METTL15: variants seen among roughly 807,000 people sequenced by gnomAD.
The protein encoded by METTL15 is methyltransferase 15, mitochondrial 12S rRNA N4-cytidine, also known as 12S rRNA N(4)-cytidine methyltransferase METTL15.
METTL15 carries 34 observed loss-of-function variants against 38.3 expected under a neutral mutation model. The ratio of observed to expected loss-of-function variants is 0.89; its 90% CI spans 0.68 to 1.18. The LOEUF is 1.18. Ranked by LOEUF, METTL15 falls within the 50% of genes most tolerant of loss-of-function variation. The probability of loss-of-function intolerance (pLI) is 0.00; values close to 1 mark genes in which losing one functional copy is unlikely to be tolerated. For missense variants in METTL15, 438 were observed against 498.4 expected (o/e 0.88, Z 1.15); for synonymous variants, 162 against 170.9 (o/e 0.95, Z 0.41).
At chr11:28,315,716 A>G (rs937779417) in intron 6 of METTL15, among the ~76,000 whole-genome samples, 2 of 152,226 alleles carry the variant, frequency 1.3e-5, no homozygotes, top group Non-Finnish European at 2.9e-5. Context: ...TTCATGGGCC[A>G]GGCCCAAGGC....
chr11:28,410,061 TC>T (rs1847949059), intron 5 of METTL15, among the ~76,000 whole-genome samples: 3 of 152,078 alleles, frequency 2.0e-5, no homozygotes, highest in Admixed American at 6.6e-5. Flanking sequence ...CAAGATTCAG[TC>T]AGGAAGAAAT....
At chr11:28,511,916 CG>C (rs1356110849) in intron 6 of METTL15, among the ~76,000 whole-genome samples, 23 of 152,074 alleles carry the variant, frequency 1.5e-4, no homozygotes, top group Non-Finnish European at 1.5e-5. Flanking sequence ...TTACAGAGAG[CG>C]GGAGTGGTCT....
intron 6 of METTL15, among the ~76,000 whole-genome samples, chr11:28,439,238 C>T (rs940471631): frequency 1.3e-5 from 2 of 152,258 alleles, no homozygotes; most frequent in African/African-American, 4.8e-5. Flanking sequence ...TGGAGGTTGA[C>T]AATTTTGTTA....
intron 6 of METTL15, among the ~76,000 whole-genome samples, chr11:28,326,185 G>A (rs1849628620): frequency 2.0e-5 from 3 of 152,190 alleles, no homozygotes; most frequent in Admixed American, 1.3e-4. Context: ...TTGCAAAACA[G>A]TGAGCTCCTC....
intron 6 of METTL15, among the ~76,000 whole-genome samples, chr11:28,456,067 A>T (rs1851165949): frequency 6.6e-6 from 1 of 151,918 alleles, no homozygotes. Context: ...ATGCAGTGGC[A>T]CGATCATAGT....
intron 5 of METTL15, chr11:28,410,526 A>G (rs1221444183): frequency 2.0e-5 from 3 of 152,294 alleles, no homozygotes; most frequent in East Asian, 3.9e-4. Context: ...TAAACACTTG[A>G]TCATCTCAAT....
chr11:28,464,897 C>A (rs1851244162), intron 6 of METTL15, among the ~76,000 whole-genome samples: 1 of 152,192 alleles, frequency 6.6e-6, no homozygotes, highest in Admixed American at 6.5e-5. Context: ...TAGGCAAGAA[C>A]AATGTCTTGG....
chr11:28,247,288 TTTC>T (rs1480320918), intron 4 of METTL15, among the ~76,000 whole-genome samples: 2 of 152,172 alleles, frequency 1.3e-5, no homozygotes, highest in African/African-American at 4.8e-5. Context: ...AATTTGTTGA[TTTC>T]TATAATTTTT....
At chr11:28,504,799 G>A (rs1263045206) in intron 6 of METTL15, among the ~76,000 whole-genome samples, 4 of 152,318 alleles carry the variant, frequency 2.6e-5, no homozygotes, top group East Asian at 3.9e-4. Context: ...GAACTCATTC[G>A]AATGTTTAAA....
rs764371567 is a variant in METTL15, at chr11:28,221,026, A to G, written c.407+9828A>G. ...CTTCATTTCAACTTTGGTGAATCTG[A>G]CAGTTATGTGTCTTGGAGTTGCTAT... On this transcript the variant is annotated intron_variant, in intron 4 of 6. Transcript: ENST00000407364. Among the ~76,000 whole-genome samples, 5 of 151,992 alleles carry G rather than the reference A, an allele frequency of 3.3e-5. No homozygotes were observed. In the South Asian group the frequency reaches 8.3e-4, roughly 25 times the overall value.
At chr11:28,205,212 C>T (rs772502303) in intron 3 of METTL15, among the ~76,000 whole-genome samples, 40 of 151,480 alleles carry the variant, frequency 2.6e-4, no homozygotes, top group Non-Finnish European at 4.9e-4. Flanking sequence ...CGCATTAACT[C>T]GTCATTTAGT....
chr11:28,327,940 C>A, intron 6 of METTL15: 1 of 627,466 alleles, frequency 1.6e-6, no homozygotes. Context: ...TTATGTTGAA[C>A]CATCATTTTA....
chr11:28,413,534 G>T (rs1002146659), intron 5 of METTL15, among the ~76,000 whole-genome samples: 1 of 152,008 alleles, frequency 6.6e-6, no homozygotes, highest in African/African-American at 2.4e-5. Context: ...GGATGAAATG[G>T]GTCTCACGTT....
At chr11:28,463,831 C>T (rs1414599879) in intron 6 of METTL15, among the ~76,000 whole-genome samples, 2 of 151,998 alleles carry the variant, frequency 1.3e-5, no homozygotes, top group African/African-American at 4.8e-5. Flanking sequence ...ACCTGATTCT[C>T]AACATGTTCA....
chr11:28,171,772 G>T (rs916746818), intron 3 of METTL15, among the ~76,000 whole-genome samples: 4 of 149,246 alleles, frequency 2.7e-5, no homozygotes, highest in South Asian at 2.1e-4. Flanking sequence ...CCTGCCCGCC[G>T]CCTCTCTCTC....
rs561065554 is a variant in METTL15 at position 28,271,888 on chromosome 11, G to A, written c.408-18318G>A. Among the ~76,000 whole-genome samples the A allele has an allele frequency of 2.2e-4, 34 of 151,856 alleles. 1 individual carries two copies. The highest frequency in any genetic ancestry group is 6.3e-4 in the African/African-American group (26 of 41,424). On this transcript the variant is annotated intron_variant, in intron 4 of 6. Transcript: ENST00000407364. Reference sequence around the variant, plus strand: ...CAAATTTACAGAAAAAAACAACACCGTCAAAAAGTGGGCAAAGGATATGAA... The same window carrying A: ...CAAATTTACAGAAAAAAACAACACCATCAAAAAGTGGGCAAAGGATATGAA...
chr11:28,175,958 T>C (rs1323256188), intron 3 of METTL15, among the ~76,000 whole-genome samples: 1 of 151,940 alleles, frequency 6.6e-6, no homozygotes, highest in Non-Finnish European at 1.5e-5. Flanking sequence ...GATGATGAGA[T>C]GATACTATAA....
In METTL15 at chr11:28,365,926, C is replaced by T. The variant is rs141325167; in HGVS notation, c.*358+3890C>T. 2.8e-3 allele frequency among the ~76,000 whole-genome samples: 432 copies of T among 152,152 alleles called. 11 individuals carry two copies. In the East Asian group the frequency reaches 0.079, roughly 28 times the overall value. ...ATTAGTCGGGCGTGGTGGCAGGCAC[C>T]TGTAGTGCCAGCTACTCGGAGGCTG... is the stretch of plus-strand genomic sequence containing the variant. On this transcript the variant is annotated intron_variant and NMD_transcript_variant, in intron 5 of 7. Coordinates refer to the METTL15 transcript ENST00000532947.
intron 4 of METTL15, among the ~76,000 whole-genome samples, chr11:28,289,042 T>C (rs1440125627): frequency 6.6e-6 from 1 of 152,128 alleles, no homozygotes; most frequent in Non-Finnish European, 1.5e-5. Flanking sequence ...ATAGTAACAA[T>C]TGACTTGTGA....
Sources: gnomAD v4.1 joint callset for allele counts (sites outside exome capture counted in the v4.1 genomes callset) on GRCh38, gnomAD v4.1.1 for gene constraint, MANE v1.5 for transcripts, NCBI Gene and HGNC (gene_info 2026-07-23, HGNC 2026-07-21) for gene names.